TTC6: variants seen among roughly 807,000 people sequenced by gnomAD.
TTC6 encodes the protein tetratricopeptide repeat protein 6.
A neutral mutation model predicts 210.4 loss-of-function variants in TTC6; 172 were observed. The observed-to-expected ratio is 0.82, with a 90% CI of 0.72 to 0.93. The LOEUF is 0.93. Ranked by LOEUF, TTC6 falls within the 40% of genes least tolerant of loss-of-function variation. The pLI is 0.00. For synonymous variants in TTC6, 804 were observed against 819.6 expected (o/e 0.98, Z 0.32); for missense variants, 2,414 against 2,318.1 (o/e 1.04, Z -0.85).
intron 3 of TTC6, among the ~76,000 whole-genome samples, chr14:37,683,264 G>A (rs542380605): frequency 3.3e-5 from 5 of 152,122 alleles, no homozygotes; most frequent in Admixed American, 1.3e-4. Context: ...TTACCATCTC[G>A]AGGAAGTCAG....
At chr14:37,627,923 C>T (rs914533143) in intron 1 of TTC6, among the ~76,000 whole-genome samples, 23 of 152,152 alleles carry the variant, frequency 1.5e-4, no homozygotes, top group East Asian at 7.7e-4. Flanking sequence ...AGTGTAAAAG[C>T]GTTCCTATTT....
intron 29 of TTC6, among the ~76,000 whole-genome samples, chr14:37,833,810 T>C (rs2096191617): frequency 6.6e-6 from 1 of 152,206 alleles, no homozygotes; most frequent in Non-Finnish European, 1.5e-5. Context: ...TTTTTTATGA[T>C]GGTGGATATT....
chr14:37,668,241 T>G (rs1246432605), intron 1 of TTC6, among the ~76,000 whole-genome samples: 1 of 150,642 alleles, frequency 6.6e-6, no homozygotes, highest in Non-Finnish European at 1.5e-5. Context: ...CTAGCATTAT[T>G]TTTTTCTTTT....
At chr14:37,776,205 C>T (rs1309096766) in intron 14 of TTC6, among the ~76,000 whole-genome samples, 1 of 20,924 alleles carries the variant, frequency 4.8e-5, no homozygotes, top group South Asian at 1.2e-3. Flanking sequence ...CGCCCGCCAC[C>T]GCGCCCGGCT....
intron 2 of TTC6, among the ~76,000 whole-genome samples, chr14:37,682,189 G>A (rs1054030441): frequency 2.0e-5 from 3 of 151,262 alleles, no homozygotes; most frequent in Admixed American, 1.3e-4. Flanking sequence ...AGCCTATCCT[G>A]ATGACCAGTG....
chr14:37,801,793 G>C (rs1407170179), intron 20 of TTC6, among the ~76,000 whole-genome samples: 1 of 152,162 alleles, frequency 6.6e-6, no homozygotes, highest in Non-Finnish European at 1.5e-5. Flanking sequence ...AGAGAAATAG[G>C]AACGCTTTTA....
chr14:37,840,752 G>A (rs1160021857), intron 29 of TTC6, among the ~76,000 whole-genome samples: 1 of 151,824 alleles, frequency 6.6e-6, no homozygotes, highest in Non-Finnish European at 1.5e-5. Flanking sequence ...AAACCAAAGT[G>A]TTACTTTTCT....
chr14:37,643,737 ACCT>A (rs550665857), intron 1 of TTC6, among the ~76,000 whole-genome samples: 169 of 152,270 alleles, frequency 1.1e-3, no homozygotes, highest in Non-Finnish European at 1.7e-3. Context: ...ATAAAGCCAG[ACCT>A]CATCATTTCA....
At chr14:37,601,646 C>T (rs563010237) in intron 1 of TTC6, among the ~76,000 whole-genome samples, 8 of 152,318 alleles carry the variant, frequency 5.3e-5, no homozygotes, top group East Asian at 1.9e-4. Flanking sequence ...GTCTCAGACA[C>T]CTGAGAACCT....
intron 2 of TTC6, 36 bp downstream of exon 2, chr14:37,606,778 T>A: frequency 1.0e-6 from 1 of 985,280 alleles, no homozygotes; most frequent in Non-Finnish European, 1.2e-6. Flanking sequence ...TTCATCCTCA[T>A]CCTGTAAGTC....
rs566978115 is a variant in TTC6 at position 37,700,481 on chromosome 14, G to A, written c.1377-851G>A. Among the ~76,000 whole-genome samples the A allele has an allele frequency of 1.2e-4, 18 of 152,140 alleles. No homozygotes were observed. In the East Asian group the frequency reaches 2.1e-3, roughly 18 times the overall value. Reference sequence around the variant, plus strand: ...TTTTTGGCTAGGCGCAGTGGCTCACGCCTGTAATCCCAGCACTTTGGGAGG... The same window carrying A: ...TTTTTGGCTAGGCGCAGTGGCTCACACCTGTAATCCCAGCACTTTGGGAGG... On this transcript the variant is annotated intron_variant, in intron 4 of 30. Coordinates refer to ENST00000553443, the Ensembl canonical transcript of TTC6.
intron 29 of TTC6, among the ~76,000 whole-genome samples, chr14:37,829,754 T>C (rs2096180270): frequency 1.3e-5 from 2 of 152,004 alleles, no homozygotes; most frequent in Admixed American, 1.3e-4. Flanking sequence ...ACAATAGATA[T>C]TGCAAGGCAA....
Position 37,767,485 on chromosome 14 carries a change from T to C in TTC6, c.3266+14250T>C, listed in dbSNP as rs1400826301. On this transcript the variant is annotated intron_variant, in intron 14 of 30. Coordinates refer to ENST00000553443, the Ensembl canonical transcript of TTC6. The stretch of plus-strand genomic sequence containing the variant: ...TGTTGTTTCCTGACTTTTTAATGAT[T>C]GCCATTCTAACTGGTGTGAGATGGT... Among the ~76,000 whole-genome samples the C allele has an allele frequency of 2.8e-3, 427 of 152,178 alleles. 1 individual carries two copies. Among genetic ancestry groups the C allele is most frequent in the African/African-American group, 9.7e-3 (401 of 41,472 alleles).
chr14:37,598,939 C>T lies in TTC6; in HGVS notation c.-235+2931C>T, dbSNP rs1045153366. 1.5e-5 allele frequency among the ~76,000 whole-genome samples: 2 copies of T among 136,670 alleles called. No individual in the cohort carries two copies. The highest frequency in any genetic ancestry group is 7.4e-5 in the Admixed American group (1 of 13,556). The allele number at this position is 136,670 out of a possible 152,430, so 89.7% of individuals were successfully genotyped here. A position where few individuals can be genotyped will look rare whatever the true frequency, so the allele number is the denominator to read the frequency against. ...GAGTTCCTCCGCGGGCCCCCACCCC[C>T]CACCCAGATAAGAAGCTTAAGTCCT... On this transcript the variant is annotated intron_variant, in intron 1 of 2. Transcript: ENST00000556845. The surrounding 1 kb of genome is among the most constrained non-coding windows in gnomAD (Gnocchi z 4.9).
At chr14:37,632,414 C>A (rs1359744542) in intron 1 of TTC6, among the ~76,000 whole-genome samples, 1 of 152,188 alleles carries the variant, frequency 6.6e-6, no homozygotes, top group Non-Finnish European at 1.5e-5. Context: ...AGATCCGCTG[C>A]AGACTCAGTT....
chr14:37,650,742 C>G (rs1387981233), intron 1 of TTC6, among the ~76,000 whole-genome samples: 1 of 152,116 alleles, frequency 6.6e-6, no homozygotes, highest in Non-Finnish European at 1.5e-5. Flanking sequence ...CTCAGAGATA[C>G]TGTAAAAATA....
intron 2 of TTC6, among the ~76,000 whole-genome samples, chr14:37,615,809 C>T (rs2095641809): frequency 6.6e-6 from 1 of 152,080 alleles, no homozygotes; most frequent in Non-Finnish European, 1.5e-5. Flanking sequence ...CTTGATTGAG[C>T]ATGGTTATAA....
intron 6 of TTC6, among the ~76,000 whole-genome samples, chr14:37,720,846 G>C (rs1326484407): frequency 6.6e-6 from 1 of 152,082 alleles, no homozygotes; most frequent in Non-Finnish European, 1.5e-5. Context: ...GTTAGGATGA[G>C]TATGACTTTA....
intron 10 of TTC6, among the ~76,000 whole-genome samples, chr14:37,747,401 A>G (rs1233993973): frequency 1.3e-5 from 2 of 152,246 alleles, no homozygotes; most frequent in African/African-American, 4.8e-5. Flanking sequence ...ACCAGAAATG[A>G]TAATGCAGTA....
Sources: allele counts gnomAD v4.1 joint callset (sites outside exome capture counted in the v4.1 genomes callset), GRCh38; gene constraint gnomAD v4.1.1; non-coding constraint Gnocchi (gnomAD v3.1); transcripts MANE v1.5; gene names NCBI Gene and HGNC (gene_info 2026-07-23, HGNC 2026-07-21).